The following PRDM15 variants were observed in gnomAD, a reference collection of about 807,000 sequenced individuals.
PRDM15 encodes PR/SET domain 15.
Under a neutral mutation model 128.6 loss-of-function variants are expected in PRDM15, and 64 were observed. That is an observed-to-expected ratio of 0.50 (90% CI 0.41 to 0.61). PRDM15 has a LOEUF of 0.61. Among genes scored for constraint, PRDM15 ranks in the 20% least tolerant of loss-of-function variants. The probability of loss-of-function intolerance (pLI) is 0.00; values close to 1 mark genes in which losing one functional copy is unlikely to be tolerated. For missense variants in PRDM15, 1,242 were observed against 1,569.1 expected (o/e 0.79, Z 3.52); for synonymous variants, 615 against 621.8 (o/e 0.99, Z 0.16).
rs1057481962 is a variant in PRDM15 at position 41,801,046 on chromosome 21, C to T, written c.*194G>A. On this transcript the variant is annotated 3_prime_UTR_variant, in exon 24 of 24. Transcript: ENST00000398548. ...CCATCCAGTTTAAAACTCTGGCCTGCCAGAGGTCCCTTCTAGAGTTAAGCT... is the reference window on the plus strand; with the variant it reads ...CCATCCAGTTTAAAACTCTGGCCTGTCAGAGGTCCCTTCTAGAGTTAAGCT... 2 of 727,776 alleles carry T rather than the reference C, an allele frequency of 2.7e-6. No homozygotes were observed. The highest frequency in any genetic ancestry group is 4.2e-6 in the Non-Finnish European group (2 of 473,046). The allele number at this position is 727,776 out of a possible 1,614,324, so 45.1% of individuals were successfully genotyped here. A position where few individuals can be genotyped will look rare whatever the true frequency, so the allele number is the denominator to read the frequency against.
intron 22 of PRDM15, 112 bp from the exon 23 acceptor site, chr21:41,803,033 G>T: frequency 2.5e-6 from 2 of 801,826 alleles, no homozygotes; most frequent in Non-Finnish European, 4.3e-6. Flanking sequence ...GGGGACGCTT[G>T]TGGGCCACCG....
chr21:41,821,011 A>C lies in PRDM15; in HGVS notation c.2060+56T>G. 8 of 1,605,120 alleles carry C rather than the reference A, an allele frequency of 5.0e-6. No individual in the cohort carries two copies. The highest frequency in any genetic ancestry group is 6.8e-6 in the Non-Finnish European group (8 of 1,172,166). On this transcript the variant is annotated intron_variant, in intron 16 of 23. Transcript: ENST00000398548. The surrounding 1 kb of genome is among the most constrained non-coding windows in gnomAD (Gnocchi z 5.4). ...TCCTTATAGCATGTGTCTCTTTGCAAGGAAGCATGTCCCCTCTCTCCTGAC... is the reference window on the plus strand; with the variant it reads ...TCCTTATAGCATGTGTCTCTTTGCACGGAAGCATGTCCCCTCTCTCCTGAC...
chr21:41,810,829 T>G lies in PRDM15; in HGVS notation c.2400A>C (p.Lys800Asn). Reference protein sequence around the residue: ...LKHCKRHTGIKDFMCELCGKT... With the variant: ...LKHCKRHTGINDFMCELCGKT... ...TCCCACACAATTCACACATGAAATC[T>G]TTAATCCCTGCAGAGAAAGGCGCAC... is the stretch of plus-strand genomic sequence containing the variant. The change falls in exon 20 of 24, where the codon AAA becomes AAC. Residue 800 changes from lysine (K) to asparagine (N), a missense_variant. By Grantham distance (94) the Lys-to-Asn change is moderately conservative (BLOSUM62 0). Transcript: ENST00000398548. The surrounding 1 kb of genome is among the most constrained non-coding windows in gnomAD (Gnocchi z 6.4). The G allele has an allele frequency of 6.2e-7, 1 of 1,614,096 alleles. No homozygotes were observed. The highest frequency in any genetic ancestry group is 1.7e-4 in the Middle Eastern group (1 of 6,060).
At position 41,823,393 on chromosome 21, in the gene PRDM15, C is replaced by T. The variant is rs1310157594; in HGVS notation, c.1686G>A (p.Lys562=). The T allele has an allele frequency of 6.4e-7, 1 of 1,574,176 alleles. No individual in the cohort carries two copies. Among genetic ancestry groups the T allele is most frequent in the East Asian group, 2.4e-5 (1 of 42,154 alleles). Residue 562 remains lysine (K), a synonymous_variant, in exon 14 of 24, where the codon AAG becomes AAA. Coordinates refer to ENST00000398548, the MANE Select transcript of PRDM15 (RefSeq NM_001040424.3). The part of the protein sequence containing the change: ...NKHLLTHGDK[K]YTCEICGRKF... The stretch of plus-strand genomic sequence containing the variant: ...TGCGCCCGCAGATCTCGCAGGTGTA[C>T]TTCTTGTCGCCGTGGGTGAGCAGGT...
chr21:41,810,469 C>G lies in PRDM15; in HGVS notation c.2477-140G>C, dbSNP rs1455693465. 7.4e-6 allele frequency: 7 copies of G among 949,974 alleles called. No individual in the cohort carries two copies. Among genetic ancestry groups the G allele is most frequent in the Non-Finnish European group, 1.1e-5 (7 of 637,376 alleles). 58.8% of individuals were successfully genotyped at this position (949,974 alleles called of 1,614,324 possible). A position where few individuals can be genotyped will look rare whatever the true frequency, so the allele number is the denominator to read the frequency against. ...CCCGCCCATCCTGAGAGGGCCGGTG[C>G]TGGTCCCCGAGCACACATGAGCACA... On this transcript the variant is annotated intron_variant, in intron 20 of 23. Coordinates refer to ENST00000398548, the MANE Select transcript of PRDM15 (RefSeq NM_001040424.3). The surrounding 1 kb of genome is among the most constrained non-coding windows in gnomAD (Gnocchi z 6.4).
At chr21:41,839,930 T>A (rs2063022456) in intron 6 of PRDM15, 77 bp from the exon 7 acceptor site, 10 of 1,200,040 alleles carry the variant, frequency 8.3e-6, no homozygotes, top group Non-Finnish European at 1.2e-5. Flanking sequence ...CTCTGGTTCC[T>A]ATGTGTGTGT....
chr21:41,840,821 A>G (rs2063053620), intron 6 of PRDM15, among the ~76,000 whole-genome samples: 1 of 152,118 alleles, frequency 6.6e-6, no homozygotes, highest in Non-Finnish European at 1.5e-5. Context: ...ATGCTGAATT[A>G]TAACAAGCGG....
At position 41,823,374 on chromosome 21, in the gene PRDM15, C is replaced by T; in HGVS notation, c.1705G>A (p.Gly569Arg). 2.5e-6 allele frequency: 4 copies of T among 1,588,148 alleles called. No individual in the cohort carries two copies. Among genetic ancestry groups the T allele is most frequent in the Non-Finnish European group, 2.6e-6 (3 of 1,167,760 alleles). Reference protein sequence around the residue: ...GDKKYTCEICGRKFFRVDVLR... With the variant: ...GDKKYTCEICRRKFFRVDVLR... ...ACATCCACGCGGAAGAACTTGCGCC[C>T]GCAGATCTCGCAGGTGTACTTCTTG... Residue 569 changes from glycine to arginine, a missense_variant, in exon 14 of 24, where the codon GGG (glycine) becomes AGG (arginine). Physicochemically the swap from Gly to Arg is moderately radical, Grantham distance 125. Around this residue, in one of 3 missense-constraint regions of PRDM15, gnomAD observed 28 missense variants for 63.8 expected, o/e 0.44. Transcript: ENST00000398548.
At chr21:41,836,361 C>A in intron 9 of PRDM15, 107 bp downstream of exon 9, 1 of 1,339,484 alleles carries the variant, frequency 7.5e-7, no homozygotes, top group Non-Finnish European at 1.0e-6. Context: ...CTCACTGGCG[C>A]AGCTCGTGGG....
intron 6 of PRDM15, among the ~76,000 whole-genome samples, chr21:41,842,835 AG>A (rs1443386003): frequency 3.8e-5 from 1 of 26,232 alleles, no homozygotes; most frequent in East Asian, 7.2e-4. Context: ...CCCAGGATGG[AG>A]TGCAGTGGTG....
intron 11 of PRDM15, 130 bp downstream of exon 11, chr21:41,835,307 A>G (rs1410911557): frequency 1.3e-6 from 1 of 744,502 alleles, no homozygotes; most frequent in African/African-American, 1.7e-5. Context: ...GGACAGAGGG[A>G]AATGTTAAAA....
intron 6 of PRDM15, among the ~76,000 whole-genome samples, chr21:41,841,045 C>G (rs938105872): frequency 6.6e-6 from 1 of 151,922 alleles, no homozygotes; most frequent in Non-Finnish European, 1.5e-5. Flanking sequence ...TGTAATATAA[C>G]AAGAAGGTCT....
At position 41,854,583 on chromosome 21, in the gene PRDM15, G is replaced by A. The variant is rs2063521742; in HGVS notation, c.521C>T (p.Ala174Val). 6.2e-7 allele frequency: 1 copy of A among 1,613,150 alleles called. No individual in the cohort carries two copies. Among genetic ancestry groups the A allele is most frequent in the Non-Finnish European group, 8.5e-7 (1 of 1,179,972 alleles). The change falls in exon 5 of 24, where the codon GCC (alanine) becomes GTC (valine). Residue 174 changes from alanine to valine, a missense_variant. Physicochemically the swap from Ala to Val is moderately conservative, Grantham distance 64. Around this residue, in one of 3 missense-constraint regions of PRDM15, gnomAD observed 612 missense variants for 717.0 expected, o/e 0.85. Transcript: ENST00000398548. The surrounding 1 kb of genome is among the most constrained non-coding windows in gnomAD (Gnocchi z 4.6). Reference sequence around the variant, plus strand: ...CCACATACCGTGGACGCCAGAGCCGGCCTGCTTCAGCATGGGCTTGTCCAT... The same window carrying A: ...CCACATACCGTGGACGCCAGAGCCGACCTGCTTCAGCATGGGCTTGTCCAT... ...KKMDKPMLKQ[A>V]GSGVHAAGTP... is the part of the protein sequence containing the mutation.
chr21:41,838,830 C>T (rs1240485846), intron 7 of PRDM15, among the ~76,000 whole-genome samples: 6 of 152,248 alleles, frequency 3.9e-5, no homozygotes, highest in Admixed American at 2.6e-4. Flanking sequence ...TCCCAATTGT[C>T]TCTAATTAAT....
chr21:41,838,567 C>CA (rs1321815526), intron 7 of PRDM15, among the ~76,000 whole-genome samples: 5 of 152,168 alleles, frequency 3.3e-5, no homozygotes, highest in Non-Finnish European at 7.3e-5. Flanking sequence ...GAAGATTACA[C>CA]AAAAAAATTC....
chr21:41,801,094 C>A lies in PRDM15; in HGVS notation c.*146G>T, dbSNP rs1315971894. On this transcript the variant is annotated 3_prime_UTR_variant, in exon 24 of 24. Coordinates refer to ENST00000398548, the MANE Select transcript of PRDM15 (RefSeq NM_001040424.3). ...GCTGACAGACCGTAATGGTTGCTGGCGGGGGATCTGGAGATACTCTGCAAA... is the reference window on the plus strand; with the variant it reads ...GCTGACAGACCGTAATGGTTGCTGGAGGGGGATCTGGAGATACTCTGCAAA... 2.6e-6 allele frequency: 3 copies of A among 1,175,544 alleles called. No homozygotes were observed. Among genetic ancestry groups the A allele is most frequent in the African/African-American group, 3.1e-5 (2 of 65,318 alleles). 72.8% of individuals were successfully genotyped at this position (1,175,544 alleles called of 1,614,324 possible).
chr21:41,836,462 A>G lies in PRDM15; in HGVS notation c.1183+6T>C, dbSNP rs747854952. 3.7e-6 allele frequency: 6 copies of G among 1,604,956 alleles called. No homozygotes were observed. Among genetic ancestry groups the G allele is most frequent in the Non-Finnish European group, 5.1e-6 (6 of 1,174,284 alleles). On this transcript the variant is annotated splice_donor_region_variant and intron_variant, in intron 9 of 23. Coordinates refer to ENST00000398548, the MANE Select transcript of PRDM15 (RefSeq NM_001040424.3). ...CCCGGGCGCCAGCCGGGCCTCGCGGACTCACCATGCGAGCGCACGTGCCTG... is the reference window on the plus strand; with the variant it reads ...CCCGGGCGCCAGCCGGGCCTCGCGGGCTCACCATGCGAGCGCACGTGCCTG...
rs146804400 is a variant in PRDM15, at chr21:41,863,053, C to T, written c.-9-2681G>A. ...GCGCGGTGGCACGTGCCTGTAATCC[C>T]AGCTACTCGGGAGGCTGAGGCAGGA... On this transcript the variant is annotated intron_variant, in intron 1 of 23. Coordinates refer to ENST00000398548, the MANE Select transcript of PRDM15 (RefSeq NM_001040424.3). Among the ~76,000 whole-genome samples the T allele has an allele frequency of 1.7e-3, 252 of 152,070 alleles. 1 individual carries two copies. Among genetic ancestry groups the T allele is most frequent in the Middle Eastern group, 3.4e-3 (1 of 294 alleles).
chr21:41,839,979 G>T, intron 6 of PRDM15, 126 bp from the exon 7 acceptor site: 1 of 712,508 alleles, frequency 1.4e-6, no homozygotes, highest in South Asian at 1.8e-5. Context: ...ATAGGCAAGT[G>T]AACTTTATTT....
Sources: gnomAD v4.1 joint callset for allele counts (sites outside exome capture counted in the v4.1 genomes callset) on GRCh38, gnomAD v4.1.1 for gene constraint, gnomAD v4.1.1 regional missense constraint, Gnocchi (gnomAD v3.1) non-coding constraint, MANE v1.5 for transcripts, NCBI Gene and HGNC (gene_info 2026-07-23, HGNC 2026-07-21) for gene names.